CRTAM: variants seen among roughly 807,000 people sequenced by gnomAD.
CRTAM encodes cytotoxic and regulatory T-cell molecule.
Under a neutral mutation model 50.0 loss-of-function variants are expected in CRTAM, and 44 were observed. The observed-to-expected ratio is 0.88, with a 90% CI of 0.69 to 1.13. CRTAM has a LOEUF of 1.13. Among genes scored for constraint, CRTAM ranks in the 50% most tolerant of loss-of-function variants. The pLI is 0.00. For synonymous variants in CRTAM, 159 were observed against 169.3 expected (o/e 0.94, Z 0.47); for missense variants, 448 against 457.5 (o/e 0.98, Z 0.19).
chr11:122,848,776 A>G (rs1861896210), intron 1 of CRTAM, among the ~76,000 whole-genome samples: 1 of 152,204 alleles, frequency 6.6e-6, no homozygotes. Flanking sequence ...TTTGCTATTC[A>G]TAATTTATAA....
At chr11:122,847,698 C>T (rs935729954) in intron 1 of CRTAM, among the ~76,000 whole-genome samples, 32 of 152,200 alleles carry the variant, frequency 2.1e-4, no homozygotes, top group African/African-American at 4.8e-5. Context: ...ACACATAAGT[C>T]CCCTGTCCCA....
chr11:122,840,266 C>T lies in CRTAM; in HGVS notation c.46+1674C>T, dbSNP rs534179567. On this transcript the variant is annotated intron_variant, in intron 1 of 9. Coordinates refer to ENST00000227348, the MANE Select transcript of CRTAM (RefSeq NM_019604.4). ...TTGTGTTAATTACACTTAATCATAG[C>T]GGAAGTACTGAGGTAGGTACTAATA... Among the ~76,000 whole-genome samples the T allele has an allele frequency of 2.6e-5, 4 of 152,174 alleles. No individual in the cohort carries two copies. In the East Asian group the frequency reaches 5.8e-4, roughly 22 times the overall value.
At chr11:122,838,925 T>TTTA (rs139390338) in intron 1 of CRTAM, among the ~76,000 whole-genome samples, 1 of 151,624 alleles carries the variant, frequency 6.6e-6, no homozygotes, top group Non-Finnish European at 1.5e-5. Context: ...TTTTATTTTA[T>TTTA]TTTATTTATT....
chr11:122,862,515 C>G lies in CRTAM; in HGVS notation c.704C>G (p.Ser235Cys), dbSNP rs1319318079. 1.9e-6 allele frequency: 3 copies of G among 1,612,136 alleles called. No individual in the cohort carries two copies. The African/African-American group carries it at 4.0e-5, about 22-fold the overall frequency. ...GCTCTGGAGAGAAACTCTCTATCCT[C>G]TCAAGACCCACAGCAGCCCACCAGT... Reference protein sequence around the residue: ...SDALERNSLSSQDPQQPTSTV... With the variant: ...SDALERNSLSCQDPQQPTSTV... Residue 235 changes from serine (S) to cysteine (C), a missense_variant, in exon 6 of 10, where the codon TCT becomes TGT. Ser to Cys is a moderately radical substitution (Grantham distance 112). Transcript: ENST00000227348.
intron 6 of CRTAM, 134 bp downstream of exon 6, chr11:122,862,678 C>T: frequency 1.6e-6 from 1 of 619,330 alleles, no homozygotes; most frequent in East Asian, 2.7e-5. Flanking sequence ...CTCCAACTGG[C>T]TCCAGCTTTG....
At chr11:122,865,397 A>G (rs1862156814) in intron 7 of CRTAM, among the ~76,000 whole-genome samples, 1 of 134,802 alleles carries the variant, frequency 7.4e-6, no homozygotes, top group African/African-American at 2.5e-5. Context: ...GCCACTAGGC[A>G]AAAGATTTCT....
Position 122,844,117 on chromosome 11 carries a change from G to A in CRTAM, c.46+5525G>A, listed in dbSNP as rs116873775. 1.3e-3 allele frequency among the ~76,000 whole-genome samples: 199 copies of A among 152,260 alleles called. 6 individuals are homozygous for A. In the East Asian group the frequency reaches 0.029, roughly 22 times the overall value. ...TACAGTGTGGTCAATCTGGTTAGCC[G>A]CCTGATACCGAATTCTCAGCAAGTG... On this transcript the variant is annotated intron_variant, in intron 1 of 9. Coordinates refer to ENST00000227348, the MANE Select transcript of CRTAM (RefSeq NM_019604.4).
intron 6 of CRTAM, among the ~76,000 whole-genome samples, chr11:122,863,829 G>C (rs559989480): frequency 4.6e-5 from 7 of 152,040 alleles, no homozygotes; most frequent in African/African-American, 1.7e-4. Flanking sequence ...ATTCCTTTCA[G>C]CTTTCCATTT....
At chr11:122,846,734 G>A (rs904191515) in intron 1 of CRTAM, among the ~76,000 whole-genome samples, 19 of 152,144 alleles carry the variant, frequency 1.2e-4, no homozygotes, top group African/African-American at 4.6e-4. Context: ...GGTCCAAAAT[G>A]AAAAGAACTC....
intron 1 of CRTAM, 44 bp downstream of exon 1, chr11:122,838,636 T>C (rs1861761328): frequency 1.3e-6 from 2 of 1,591,976 alleles, no homozygotes; most frequent in Non-Finnish European, 1.7e-6. Flanking sequence ...GCTGACTTAA[T>C]GTTTTGCCAC....
At chr11:122,862,221 C>T in intron 5 of CRTAM, 1 of 522,948 alleles carries the variant, frequency 1.9e-6, no homozygotes. Context: ...CTTTGCCTAC[C>T]ACTGCCACCA....
chr11:122,851,810 CTG>C lies in CRTAM; in HGVS notation c.313_314del (p.Val105LysfsTer54). On this transcript the variant is annotated frameshift_variant, in exon 3 of 10. Transcript: ENST00000227348. LOFTEE classifies it high-confidence loss of function. ...TACAAGTGCTTACATTACAGCGACT[CTG>C]TAAGCACAAAGGAAGTGAAAGTGAT... 1 of 1,614,178 alleles carries C rather than the reference CTG, an allele frequency of 6.2e-7. No homozygotes were observed. Among genetic ancestry groups the C allele is most frequent in the South Asian group, 1.1e-5 (1 of 91,084 alleles).
At chr11:122,867,652 T>A in intron 8 of CRTAM, 97 bp downstream of exon 8, 1 of 1,214,156 alleles carries the variant, frequency 8.2e-7, no homozygotes. Context: ...TGTCAGACAC[T>A]ACATAATCTA....
At chr11:122,849,051 C>T (rs1164294377) in intron 1 of CRTAM, among the ~76,000 whole-genome samples, 3 of 152,090 alleles carry the variant, frequency 2.0e-5, no homozygotes, top group Middle Eastern at 3.2e-3. Context: ...GGAGAAAGCT[C>T]GGCTGTGGAA....
At position 122,860,459 on chromosome 11, in the gene CRTAM, G is replaced by T. The variant is rs1194108554; in HGVS notation, c.653-2005G>T. Among the ~76,000 whole-genome samples the T allele has an allele frequency of 2.0e-5, 3 of 152,166 alleles. No homozygotes were observed. The East Asian group carries it at 5.8e-4, about 29-fold the overall frequency. Reference sequence around the variant, plus strand: ...TCTACAATATTCTGACCAACTAGGGGGGTAGATCATCATGTGCCAGTATCC... The same window carrying T: ...TCTACAATATTCTGACCAACTAGGGTGGTAGATCATCATGTGCCAGTATCC... On this transcript the variant is annotated intron_variant, in intron 5 of 9. Transcript: ENST00000227348.
chr11:122,860,646 TAGA>T (rs1163171691), intron 5 of CRTAM, among the ~76,000 whole-genome samples: 2 of 152,212 alleles, frequency 1.3e-5, no homozygotes, highest in African/African-American at 4.8e-5. Context: ...TATACTATGT[TAGA>T]AGATTTAAAT....
At chr11:122,853,371 C>T (rs1246610724) in intron 3 of CRTAM, among the ~76,000 whole-genome samples, 6 of 151,888 alleles carry the variant, frequency 4.0e-5, no homozygotes, top group African/African-American at 2.4e-5. Flanking sequence ...CGCCCGGCCT[C>T]ATATACCACA....
intron 1 of CRTAM, among the ~76,000 whole-genome samples, chr11:122,842,629 A>G (rs934796956): frequency 6.6e-6 from 1 of 152,222 alleles, no homozygotes; most frequent in Non-Finnish European, 1.5e-5. Context: ...GATGATGATG[A>G]ATTAGAGAGA....
intron 9 of CRTAM, among the ~76,000 whole-genome samples, chr11:122,868,440 G>T (rs889204912): frequency 6.6e-6 from 1 of 152,006 alleles, no homozygotes; most frequent in African/African-American, 2.4e-5. Context: ...TGCCAGGAGA[G>T]AGGAGGGAGT....
Sources: allele counts gnomAD v4.1 joint callset (sites outside exome capture counted in the v4.1 genomes callset), GRCh38; gene constraint gnomAD v4.1.1; transcripts MANE v1.5; gene names NCBI Gene and HGNC (gene_info 2026-07-23, HGNC 2026-07-21).